The following CHD2 variants were observed in gnomAD, a reference collection of about 807,000 sequenced individuals.
The protein encoded by CHD2 is ATP-dependent chromatin remodeler CHD2.
A neutral mutation model predicts 243.9 loss-of-function variants in CHD2; 28 were observed. That is an observed-to-expected ratio of 0.11 (90% CI 0.09 to 0.16). CHD2 has a LOEUF of 0.16. Ranked by LOEUF, CHD2 falls within the 10% of genes least tolerant of loss-of-function variation. The probability of loss-of-function intolerance (pLI) is 1.00; values close to 1 mark genes in which losing one functional copy is unlikely to be tolerated. For missense variants in CHD2, 1,386 were observed against 2,209.8 expected (o/e 0.63, Z 7.47); for synonymous variants, 775 against 779.0 (o/e 0.99, Z 0.09).
At chr15:92,913,176 A>G (rs922595595) in intron 2 of CHD2, among the ~76,000 whole-genome samples, 1 of 152,186 alleles carries the variant, frequency 6.6e-6, no homozygotes, top group African/African-American at 2.4e-5. Context: ...ACCTCAGTTG[A>G]TTCTTGTACT....
chr15:92,902,412 GATTC>G (rs2052541754), intron 2 of CHD2: 1 of 373,356 alleles, frequency 2.7e-6, no homozygotes, highest in Non-Finnish European at 4.7e-6. Flanking sequence ...ACAAGGATGT[GATTC>G]ATTATGTGGT....
intron 28 of CHD2, among the ~76,000 whole-genome samples, chr15:92,994,411 A>AT: frequency 6.6e-6 from 1 of 152,022 alleles, no homozygotes; most frequent in East Asian, 1.9e-4. Flanking sequence ...AAATTATTTT[A>AT]TTATTCAATA....
rs1332748925 is a variant in CHD2 at position 93,027,742 on chromosome 15, G to A, written c.*3037G>A. On this transcript the variant is annotated 3_prime_UTR_variant, in exon 39 of 39. Coordinates refer to ENST00000394196, the MANE Select transcript of CHD2 (RefSeq NM_001271.4). ...GTTGGGCGAGGGGAGCCATGCCAAGGGTCCAGGCTGCTTTAGGCCATCTGT... is the reference window on the plus strand; with the variant it reads ...GTTGGGCGAGGGGAGCCATGCCAAGAGTCCAGGCTGCTTTAGGCCATCTGT... The A allele has an allele frequency of 6.6e-6, 1 of 152,640 alleles. No homozygotes were observed. The highest frequency in any genetic ancestry group is 1.5e-5 in the Non-Finnish European group (1 of 68,048). 9.5% of individuals were successfully genotyped at this position (152,640 alleles called of 1,614,324 possible).
intron 5 of CHD2, among the ~76,000 whole-genome samples, chr15:92,933,581 T>C (rs754162468): frequency 2.6e-5 from 4 of 152,226 alleles, no homozygotes; most frequent in Non-Finnish European, 4.4e-5. Context: ...AAGATTTTTG[T>C]TGACTTCTGG....
rs1596361240 is a variant in CHD2 at position 92,903,311 on chromosome 15, T to TA, written c.62+2013dup. Among the ~76,000 whole-genome samples the TA allele has an allele frequency of 2.0e-5, 3 of 152,156 alleles. No individual in the cohort carries two copies. The East Asian group carries it at 5.8e-4, about 29-fold the overall frequency. Reference sequence around the variant, plus strand: ...ATCAGAGTTTTTATTGCCCAAAGTATAGTGTTTAGGGAATACTACGAAAAT... The same window carrying TA: ...ATCAGAGTTTTTATTGCCCAAAGTATAAGTGTTTAGGGAATACTACGAAAAT... On this transcript the variant is annotated intron_variant, in intron 2 of 38. Transcript: ENST00000394196.
At chr15:92,906,247 C>G (rs1456378360) in intron 2 of CHD2, among the ~76,000 whole-genome samples, 1 of 152,036 alleles carries the variant, frequency 6.6e-6, no homozygotes, top group Non-Finnish European at 1.5e-5. Context: ...ATCGATTTCT[C>G]TCTCTTTCTC....
At chr15:93,018,736 C>G (rs34234400) in intron 37 of CHD2, among the ~76,000 whole-genome samples, 25,491 of 152,224 alleles carry the variant, frequency 0.17, 2,786 homozygotes, top group Non-Finnish European at 0.25. Context: ...GCGTTCTTGA[C>G]TCACGCCGAT....
At chr15:92,946,003 G>T in intron 11 of CHD2, 35 bp from the exon 12 acceptor site, 1 of 1,531,338 alleles carries the variant, frequency 6.5e-7, no homozygotes, top group South Asian at 1.3e-5. Context: ...TTAATTGACA[G>T]TTGCTAATCT....
At chr15:92,902,256 A>G (rs1304807994) in intron 2 of CHD2, 4 of 397,690 alleles carry the variant, frequency 1.0e-5, no homozygotes, top group Non-Finnish European at 1.3e-5. Context: ...TCCTTGGAGT[A>G]CCTTGTTAGT....
Position 92,998,855 on chromosome 15 carries a change from G to T in CHD2, c.4008+234G>T, listed in dbSNP as rs1316944011. Among the ~76,000 whole-genome samples, 1 of 151,894 alleles carries T rather than the reference G, an allele frequency of 6.6e-6. No individual in the cohort carries two copies. Among genetic ancestry groups the T allele is most frequent in the Non-Finnish European group, 1.5e-5 (1 of 67,948 alleles). ...TCCCAGCACTTTGGGAGGCTGAGGCGGGCGGATCACAAGGTCAGGAGATTG... is the reference window on the plus strand; with the variant it reads ...TCCCAGCACTTTGGGAGGCTGAGGCTGGCGGATCACAAGGTCAGGAGATTG... On this transcript the variant is annotated intron_variant, in intron 31 of 38. Coordinates refer to ENST00000394196, the MANE Select transcript of CHD2 (RefSeq NM_001271.4). The surrounding 1 kb of genome is among the most constrained non-coding windows in gnomAD (Gnocchi z 5.1).
At chr15:92,933,477 T>C (rs577940513) in intron 5 of CHD2, among the ~76,000 whole-genome samples, 1 of 152,184 alleles carries the variant, frequency 6.6e-6, no homozygotes, top group African/African-American at 2.4e-5. Context: ...AACAAAACAT[T>C]GAACTTTTTT....
chr15:92,966,518 A>G (rs189446702), intron 16 of CHD2, among the ~76,000 whole-genome samples: 142 of 152,282 alleles, frequency 9.3e-4, no homozygotes, highest in Middle Eastern at 6.8e-3. Flanking sequence ...ACGACTTTAG[A>G]TGTCTACCCC....
intron 13 of CHD2, among the ~76,000 whole-genome samples, chr15:92,951,657 G>A (rs1056382805): frequency 6.6e-6 from 1 of 152,084 alleles, no homozygotes; most frequent in Non-Finnish European, 1.5e-5. Context: ...ATTTTCTAGG[G>A]GCAGGAAATA....
At chr15:93,013,928 C>CAAAAAA (rs35774813) in intron 36 of CHD2, among the ~76,000 whole-genome samples, 2 of 64,154 alleles carry the variant, frequency 3.1e-5, no homozygotes, top group African/African-American at 1.4e-4. Context: ...GACTCTGTCT[C>CAAAAAA]AAAAAAAAAA....
intron 27 of CHD2, 44 bp from the exon 28 acceptor site, chr15:92,992,815 T>C: frequency 6.2e-7 from 1 of 1,601,824 alleles, no homozygotes; most frequent in Non-Finnish European, 8.5e-7. Context: ...TTAAGAAGAG[T>C]GGGCACAGGG....
chr15:92,912,216 C>T (rs1248275311), intron 2 of CHD2, among the ~76,000 whole-genome samples: 2 of 152,146 alleles, frequency 1.3e-5, no homozygotes, highest in African/African-American at 2.4e-5. Context: ...ATTTTAAAAG[C>T]CAAGCTCCCT....
chr15:92,955,712 G>A (rs940025628), intron 15 of CHD2, among the ~76,000 whole-genome samples, 200 bp downstream of exon 15: 3 of 152,152 alleles, frequency 2.0e-5, no homozygotes, highest in Non-Finnish European at 4.4e-5. Flanking sequence ...TGAACAACCA[G>A]AAAAATTACT....
Position 92,944,400 on chromosome 15 carries a change from C to T in CHD2, c.1053-15C>T, listed in dbSNP as rs766343423. On this transcript the variant is annotated splice_polypyrimidine_tract_variant and intron_variant, in intron 9 of 38. Coordinates refer to ENST00000394196, the MANE Select transcript of CHD2 (RefSeq NM_001271.4). ...TTTAGTTTATGTGTACTTTTTCTGT[C>T]TGTCTGCCATTCAGGTTAGGGAAAG... The T allele has an allele frequency of 1.4e-6, 2 of 1,475,562 alleles. No individual in the cohort carries two copies. Among genetic ancestry groups the T allele is most frequent in the Non-Finnish European group, 9.5e-7 (1 of 1,058,030 alleles). The allele number at this position is 1,475,562 out of a possible 1,614,324, so 91.4% of individuals were successfully genotyped here.
intron 18 of CHD2, 151 bp from the exon 19 acceptor site, chr15:92,972,113 GA>G: frequency 2.0e-6 from 2 of 1,014,450 alleles, no homozygotes; most frequent in Non-Finnish European, 2.8e-6. Flanking sequence ...CAGATACTGG[GA>G]AAAAGAACAT....
Sources: gnomAD v4.1 joint callset for allele counts (sites outside exome capture counted in the v4.1 genomes callset) on GRCh38, gnomAD v4.1.1 for gene constraint, Gnocchi (gnomAD v3.1) non-coding constraint, MANE v1.5 for transcripts, NCBI Gene and HGNC (gene_info 2026-07-23, HGNC 2026-07-21) for gene names.